The following CA10 variants were observed in gnomAD, a reference collection of about 807,000 sequenced individuals.
The protein encoded by CA10 is carbonic anhydrase 10 (inactive).
In CA10, 14 loss-of-function variants were observed where a neutral mutation model predicts 44.2. The observed-to-expected ratio is 0.32, with a 90% CI of 0.21 to 0.50. The LOEUF (loss-of-function observed/expected upper bound fraction) is 0.50, where lower values mean the gene tolerates loss of function less well. CA10 is among the 20% of genes least tolerant of loss of function. The pLI, the probability that CA10 is intolerant of heterozygous loss-of-function variation, is 0.99. For synonymous variants in CA10, 159 were observed against 141.6 expected, an observed-to-expected ratio of 1.12 and a Z score of -0.87; for missense variants, 350 against 409.7, an observed-to-expected ratio of 0.85 and a Z score of 1.26.
intron 3 of CA10, among the ~76,000 whole-genome samples, chr17:51,839,553 G>GT (rs2143801447): frequency 7.6e-6 from 1 of 131,868 alleles, no homozygotes; most frequent in African/African-American, 3.1e-5. Flanking sequence ...AGAAGAGGCA[G>GT]TTAAAAACAG....
chr17:51,867,904 T>C (rs1418824292), intron 3 of CA10, among the ~76,000 whole-genome samples: 1 of 152,204 alleles, frequency 6.6e-6, no homozygotes, highest in African/African-American at 2.4e-5. Context: ...TTCTAACAGA[T>C]TCTAAAAACC....
At chr17:51,943,190 A>C (rs1323294665) in intron 2 of CA10, among the ~76,000 whole-genome samples, 1 of 152,184 alleles carries the variant, frequency 6.6e-6, no homozygotes, top group African/African-American at 2.4e-5. Flanking sequence ...TAATTTAAAT[A>C]CTAATCCCTC....
intron 3 of CA10, among the ~76,000 whole-genome samples, chr17:51,821,865 C>A (rs1438534890): frequency 6.6e-6 from 1 of 152,150 alleles, no homozygotes; most frequent in African/African-American, 2.4e-5. Flanking sequence ...TTGGCTGTGA[C>A]CTTTGGCAAT....
At chr17:51,905,826 C>T (rs866883957) in intron 3 of CA10, among the ~76,000 whole-genome samples, 13 of 152,044 alleles carry the variant, frequency 8.6e-5, no homozygotes, top group Admixed American at 1.3e-4. Context: ...AATTCCCGCT[C>T]CTCACTCTCA....
chr17:51,735,917 C>A (rs1252489877), intron 4 of CA10, among the ~76,000 whole-genome samples: 1 of 151,874 alleles, frequency 6.6e-6, no homozygotes, highest in Middle Eastern at 3.4e-3. Context: ...CAGTGATTGC[C>A]GGGGCTAGGG....
intron 3 of CA10, among the ~76,000 whole-genome samples, chr17:51,786,728 A>T (rs1906301140): frequency 6.6e-6 from 1 of 152,158 alleles, no homozygotes; most frequent in African/African-American, 2.4e-5. Flanking sequence ...ATATTACTGA[A>T]AAGTGGGCAT....
chr17:51,854,115 A>T (rs918863562), intron 3 of CA10, among the ~76,000 whole-genome samples: 2 of 152,160 alleles, frequency 1.3e-5, no homozygotes, highest in African/African-American at 4.8e-5. Flanking sequence ...AGGCACCTTC[A>T]TCTCGCCAAG....
chr17:51,827,176 A>G (rs1480052681), intron 3 of CA10, among the ~76,000 whole-genome samples: 1 of 152,194 alleles, frequency 6.6e-6, no homozygotes, highest in Non-Finnish European at 1.5e-5. Context: ...AATCTAATGG[A>G]TAGTAGTGAC....
At chr17:51,720,803 A>G (rs1304720774) in intron 4 of CA10, among the ~76,000 whole-genome samples, 1 of 152,184 alleles carries the variant, frequency 6.6e-6, no homozygotes, top group Non-Finnish European at 1.5e-5. Flanking sequence ...GGTAGACTGA[A>G]GGAATAGGTT....
At position 52,118,332 on chromosome 17, in the gene CA10, A is replaced by T. The variant is rs908621904; in HGVS notation, c.61+39394T>A. Among the ~76,000 whole-genome samples, 12 of 152,322 alleles carry T rather than the reference A, an allele frequency of 7.9e-5. No individual in the cohort carries two copies. The South Asian group carries it at 2.1e-3, about 26-fold the overall frequency. ...AGCAGACAAGAGAAAAATTTTTTGG[A>T]AAACAAAGTCTTCCCTGTTAATGAG... is the stretch of plus-strand genomic sequence containing the variant. On this transcript the variant is annotated intron_variant, in intron 1 of 8. Transcript: ENST00000451037.
intron 4 of CA10, among the ~76,000 whole-genome samples, chr17:51,726,276 T>C (rs739434): frequency 0.19 from 29,533 of 152,186 alleles, 3,183 homozygotes; most frequent in East Asian, 0.3. Flanking sequence ...AGGTAACCCC[T>C]TGCTCTCCTT....
At chr17:51,674,062 T>C (rs1914527211) in intron 4 of CA10, among the ~76,000 whole-genome samples, 1 of 152,250 alleles carries the variant, frequency 6.6e-6, no homozygotes, top group African/African-American at 2.4e-5. Flanking sequence ...CATGCCTCTC[T>C]GCTACCATCA....
chr17:51,918,110 T>C (rs1474201793), intron 3 of CA10, among the ~76,000 whole-genome samples: 1 of 152,202 alleles, frequency 6.6e-6, no homozygotes, highest in Non-Finnish European at 1.5e-5. Context: ...TCAGAATAAA[T>C]GACGTGAGAG....
At chr17:51,957,772 C>A (rs1234774517) in intron 2 of CA10, among the ~76,000 whole-genome samples, 1 of 152,186 alleles carries the variant, frequency 6.6e-6, no homozygotes, top group Non-Finnish European at 1.5e-5. Flanking sequence ...GAGTGCCATG[C>A]ATTTGCAAGC....
chr17:51,831,710 A>AGCGGCGGCAGCGGCGGCAGCGGCGGCG (rs1555604073), intron 3 of CA10, among the ~76,000 whole-genome samples: 1 of 102,818 alleles, frequency 9.7e-6, no homozygotes, highest in African/African-American at 3.2e-5. Flanking sequence ...CAGCAGCAGC[A>AGCGGCGGCAGCGGCGGCAGCGGCGGCG]GCAGCAGCAG....
chr17:52,127,355 G>A (rs1332514731), intron 1 of CA10, among the ~76,000 whole-genome samples: 1 of 149,188 alleles, frequency 6.7e-6, no homozygotes, highest in Non-Finnish European at 1.5e-5. Flanking sequence ...CCCATTTCTG[G>A]TGGGTGGGCT....
At chr17:52,068,505 T>C in intron 2 of CA10, among the ~76,000 whole-genome samples, 1 of 152,176 alleles carries the variant, frequency 6.6e-6, no homozygotes, top group East Asian at 1.9e-4. Flanking sequence ...TTACCACCCT[T>C]CTCCACTTTG....
intron 2 of CA10, among the ~76,000 whole-genome samples, chr17:52,027,791 G>T (rs1463981809): frequency 6.6e-6 from 1 of 152,146 alleles, no homozygotes; most frequent in African/African-American, 2.4e-5. Context: ...GCATTTTTCA[G>T]ATGAGAAAGC....
chr17:51,753,362 C>T (rs1567828197), intron 3 of CA10, among the ~76,000 whole-genome samples: 1 of 152,164 alleles, frequency 6.6e-6, no homozygotes, highest in Non-Finnish European at 1.5e-5. Context: ...GCATAGCAAA[C>T]ACAGTGCTTT....
Sources: allele counts gnomAD v4.1 joint callset (sites outside exome capture counted in the v4.1 genomes callset), GRCh38; gene constraint gnomAD v4.1.1; transcripts MANE v1.5; gene names NCBI Gene and HGNC (gene_info 2026-07-23, HGNC 2026-07-21).